CDKN1C: variants seen among roughly 807,000 people sequenced by gnomAD.
CDKN1C encodes cyclin dependent kinase inhibitor 1C.
In CDKN1C, 7 loss-of-function variants were observed where a neutral mutation model predicts 16.5. The observed-to-expected ratio is 0.42, with a 90% CI of 0.24 to 0.80. The LOEUF is 0.80. CDKN1C is among the 30% of genes least tolerant of loss of function. The pLI is 0.26. For missense variants in CDKN1C, 429 were observed against 437.3 expected, an observed-to-expected ratio of 0.98 and a Z score of 0.17; for synonymous variants, 288 against 214.4, an observed-to-expected ratio of 1.34 and a Z score of -3.00.
At position 2,885,036 on chromosome 11, in the gene CDKN1C, G is replaced by T. The variant is rs1848953645; in HGVS notation, c.421C>A (p.Pro141Thr). The change falls in exon 2 of 4, where the codon CCG becomes ACG. Residue 141 changes from proline to threonine, a missense_variant. Pro to Thr is a conservative substitution (Grantham distance 38, BLOSUM62 -1). Coordinates refer to ENST00000440480, the MANE Select transcript of CDKN1C (RefSeq NM_001122630.2). ...PAPASTPPPVPVLAPAPAPAP... is the reference protein window; with the variant it reads ...PAPASTPPPVTVLAPAPAPAP... Reference sequence around the variant, plus strand: ...GGGGCCGGGGCTGGAGCCAGGACCGGGACTGGGGGCGGGGTGGACGCCGGG... The same window carrying T: ...GGGGCCGGGGCTGGAGCCAGGACCGTGACTGGGGGCGGGGTGGACGCCGGG... 7.6e-7 allele frequency: 1 copy of T among 1,323,758 alleles called. No individual in the cohort carries two copies. Among genetic ancestry groups the T allele is most frequent in the Non-Finnish European group, 9.6e-7 (1 of 1,040,262 alleles). The allele number at this position is 1,323,758 out of a possible 1,614,324, so 82.0% of individuals were successfully genotyped here.
intron 2 of CDKN1C, 45 bp from the exon 3 acceptor site, chr11:2,884,179 G>C: frequency 7.6e-7 from 1 of 1,320,652 alleles, no homozygotes; most frequent in Non-Finnish European, 9.7e-7. Context: ...GGGCCGGCCC[G>C]GAGACCCGAG....
rs758244300 is a variant in CDKN1C at position 2,885,417 on chromosome 11, C to A, written c.40G>T (p.Val14Leu). 3 of 1,552,400 alleles carry A rather than the reference C, an allele frequency of 1.9e-6. No homozygotes were observed. Among genetic ancestry groups the A allele is most frequent in the Non-Finnish European group, 2.6e-6 (3 of 1,151,296 alleles). Residue 14 changes from valine (V) to leucine (L), a missense_variant, in exon 2 of 4, where the codon GTG becomes TTG. Transcript: ENST00000440480. Reference protein sequence around the residue: ...LVARGTFPVLVRTSACRSLFG... With the variant: ...LVARGTFPVLLRTSACRSLFG... Reference sequence around the variant, plus strand: ...AGGCTGCGGCAGGCGCTGGTGCGCACTAGTACTGGGAAGGTCCCACGGGCG... The same window carrying A: ...AGGCTGCGGCAGGCGCTGGTGCGCAATAGTACTGGGAAGGTCCCACGGGCG...
intron 1 of CDKN1C, 36 bp downstream of exon 1, chr11:2,885,598 G>A: frequency 2.2e-6 from 3 of 1,346,910 alleles, no homozygotes; most frequent in Non-Finnish European, 2.0e-6. Context: ...ACCCCGCGCC[G>A]CCCGACTCTG....
chr11:2,884,185 C>A, intron 2 of CDKN1C, 51 bp from the exon 3 acceptor site: 1 of 1,271,004 alleles, frequency 7.9e-7, no homozygotes, highest in Admixed American at 3.9e-5. Context: ...GCCCGGAGAC[C>A]CGAGAGGGGG....
In CDKN1C at chr11:2,884,900, G is replaced by GCCGCGA. The variant is rs1345122434; in HGVS notation, c.551_556dup (p.Val184_Ala185dup). The GCCGCGA allele has an allele frequency of 2.3e-6, 2 of 866,962 alleles. No individual in the cohort carries two copies. Among genetic ancestry groups the GCCGCGA allele is most frequent in the Non-Finnish European group, 2.8e-6 (2 of 714,590 alleles). 53.7% of individuals were successfully genotyped at this position (866,962 alleles called of 1,614,324 possible). On this transcript the variant is annotated inframe_insertion, in exon 2 of 4. Coordinates refer to ENST00000440480, the MANE Select transcript of CDKN1C (RefSeq NM_001122630.2). ...GGCCGGGGCCGGGGCTGGGGCCGGG[G>GCCGCGA]CCGCGACTGGAGCCGGGGCCGGAGC...
Position 2,885,215 on chromosome 11 carries a change from C to A in CDKN1C, c.242G>T (p.Arg81Leu). ...VDSDSVPAFY[R>L]ETVQVGRCRL... is the part of the protein sequence containing the mutation. ...GCAGCGCCCCACCTGCACCGTCTCG[C>A]GGTAGAACGCGGGCACCGAGTCGCT... The change falls in exon 2 of 4, where the codon CGC becomes CTC. Residue 81 changes from arginine to leucine, a missense_variant. Transcript: ENST00000440480. The A allele has an allele frequency of 6.5e-7, 1 of 1,545,802 alleles. No individual in the cohort carries two copies. The highest frequency in any genetic ancestry group is 8.7e-7 in the Non-Finnish European group (1 of 1,148,444).
At position 2,883,485 on chromosome 11, in the gene CDKN1C, G is replaced by A. The variant is rs767474496; in HGVS notation, c.*436C>T. ...TAACCAGATGTGGGAGATGGAGAGT[G>A]CCTTTGGCATAACCAATAACCGAGC... On this transcript the variant is annotated 3_prime_UTR_variant, in exon 4 of 4. Coordinates refer to ENST00000440480, the MANE Select transcript of CDKN1C (RefSeq NM_001122630.2). 4.6e-6 allele frequency: 1 copy of A among 215,688 alleles called. No homozygotes were observed. Among genetic ancestry groups the A allele is most frequent in the Non-Finnish European group, 9.1e-6 (1 of 109,968 alleles). The allele number at this position is 215,688 out of a possible 1,614,324, so 13.4% of individuals were successfully genotyped here. A position where few individuals can be genotyped will look rare whatever the true frequency, so the allele number is the denominator to read the frequency against.
At chr11:2,884,516 G>A (rs891995652) in intron 2 of CDKN1C, 154 bp downstream of exon 2, 27 of 380,620 alleles carry the variant, frequency 7.1e-5, no homozygotes, top group Non-Finnish European at 3.1e-5. Flanking sequence ...GGGCGGGGAG[G>A]GGGGTAAGGG....
At position 2,884,494 on chromosome 11, in the gene CDKN1C, G is replaced by A. The variant is rs1381022731; in HGVS notation, c.787+176C>T. ...CCCCGCCCGCGCGAAGCCGCTGGAG[G>A]GCACAACAACGGGGCGGGGAGGGGG... On this transcript the variant is annotated intron_variant, in intron 2 of 3. Coordinates refer to ENST00000440480, the MANE Select transcript of CDKN1C (RefSeq NM_001122630.2). The A allele has an allele frequency of 2.0e-5, 7 of 357,884 alleles. No homozygotes were observed. In the South Asian group the frequency reaches 7.2e-4, roughly 37 times the overall value. The allele number at this position is 357,884 out of a possible 1,614,324, so 22.2% of individuals were successfully genotyped here. A position where few individuals can be genotyped will look rare whatever the true frequency, so the allele number is the denominator to read the frequency against.
chr11:2,885,259 C>T lies in CDKN1C; in HGVS notation c.198G>A (p.Leu66=). 6.4e-7 allele frequency: 1 copy of T among 1,570,682 alleles called. No homozygotes were observed. The change falls in exon 2 of 4, where the codon CTG becomes CTA. Residue 66 remains leucine, a synonymous_variant. Coordinates refer to ENST00000440480, the MANE Select transcript of CDKN1C (RefSeq NM_001122630.2). ...QDMPLRGPGR[L]QWTEVDSDSV... Reference sequence around the variant, plus strand: ...AGTCGCTGTCCACTTCGGTCCACTGCAGGCGTCCAGGGCCCCGCAGCGGCA... The same window carrying T: ...AGTCGCTGTCCACTTCGGTCCACTGTAGGCGTCCAGGGCCCCGCAGCGGCA...
At chr11:2,884,348 C>T (rs1222592868) in intron 2 of CDKN1C, 1 of 221,002 alleles carries the variant, frequency 4.5e-6, no homozygotes, top group African/African-American at 2.3e-5. Flanking sequence ...CCGGGGCCGC[C>T]GCCGCGCTTA....
intron 2 of CDKN1C, 24 bp from the exon 3 acceptor site, chr11:2,884,158 C>G: frequency 6.9e-7 from 1 of 1,459,058 alleles, no homozygotes; most frequent in Non-Finnish European, 9.1e-7. Flanking sequence ...CGCGCGCGGC[C>G]GGTCAGGGCG....
At position 2,885,458 on chromosome 11, in the gene CDKN1C, G is replaced by A. The variant is rs1360488872; in HGVS notation, c.-2C>T. ...CCCACGGGCGACAAGACGCTCCATCGTGGATGTGCTGCGGAGGGACGCGTC... is the reference window on the plus strand; with the variant it reads ...CCCACGGGCGACAAGACGCTCCATCATGGATGTGCTGCGGAGGGACGCGTC... On this transcript the variant is annotated 5_prime_UTR_variant, in exon 2 of 4. It adds an upstream start codon to the 5' untranslated region. Transcript: ENST00000440480. The A allele has an allele frequency of 3.9e-6, 6 of 1,546,204 alleles. No individual in the cohort carries two copies. The South Asian group carries it at 4.7e-5, about 12-fold the overall frequency.
rs1848926162 is a variant in CDKN1C at position 2,884,804 on chromosome 11, T to G, written c.653A>C (p.Asn218Thr). 1 of 1,441,708 alleles carries G rather than the reference T, an allele frequency of 6.9e-7. No homozygotes were observed. Among genetic ancestry groups the G allele is most frequent in the Non-Finnish European group, 9.1e-7 (1 of 1,092,958 alleles). The allele number at this position is 1,441,708 out of a possible 1,614,324, so 89.3% of individuals were successfully genotyped here. A position where few individuals can be genotyped will look rare whatever the true frequency, so the allele number is the denominator to read the frequency against. ...APQESAEQGANQGQRGQEPLA... is the reference protein window; with the variant it reads ...APQESAEQGATQGQRGQEPLA... ...AGGCTCCTGGCCGCGCTGCCCCTGG[T>G]TCGCGCCCTGCTCGGCGCTCTCTTG... The change falls in exon 2 of 4, where the codon AAC becomes ACC. Residue 218 changes from asparagine (N) to threonine (T), a missense_variant. Physicochemically the swap from Asn to Thr is moderately conservative, Grantham distance 65 (BLOSUM62 0). Coordinates refer to ENST00000440480, the MANE Select transcript of CDKN1C (RefSeq NM_001122630.2).
At chr11:2,884,552 G>A (rs1848907791) in intron 2 of CDKN1C, 118 bp downstream of exon 2, 2 of 491,404 alleles carry the variant, frequency 4.1e-6, no homozygotes, top group South Asian at 9.5e-5. Flanking sequence ...AGCGCTGCGG[G>A]CCCTTTAATG....
chr11:2,885,127 C>T lies in CDKN1C; in HGVS notation c.330G>A (p.Pro110=), dbSNP rs747757242. ...VAVAVSPPLE[P]AAESLDGLEE... is the part of the protein sequence containing the mutation. The stretch of plus-strand genomic sequence containing the variant: ...CGAGGCCGTCGAGGGACTCAGCGGC[C>T]GGCTCGAGGGGCGGGCTGACAGCCA... Residue 110 remains proline (P), a synonymous_variant, in exon 2 of 4, where the codon CCG becomes CCA. Coordinates refer to ENST00000440480, the MANE Select transcript of CDKN1C (RefSeq NM_001122630.2). 2.4e-5 allele frequency: 35 copies of T among 1,472,338 alleles called. No individual in the cohort carries two copies. Among genetic ancestry groups the T allele is most frequent in the Non-Finnish European group, 2.7e-6 (3 of 1,123,060 alleles). The allele number at this position is 1,472,338 out of a possible 1,614,324, so 91.2% of individuals were successfully genotyped here.
In CDKN1C at chr11:2,883,822, G is replaced by A; in HGVS notation, c.*99C>T. 1 of 1,526,534 alleles carries A rather than the reference G, an allele frequency of 6.6e-7. No individual in the cohort carries two copies. The highest frequency in any genetic ancestry group is 2.1e-5 in the Admixed American group (1 of 46,578). The allele number at this position is 1,526,534 out of a possible 1,614,324, so 94.6% of individuals were successfully genotyped here. On this transcript the variant is annotated 3_prime_UTR_variant, in exon 4 of 4. Coordinates refer to ENST00000440480, the MANE Select transcript of CDKN1C (RefSeq NM_001122630.2). ...ACGCTGCTCTGCGGCAGCCGCCGCC[G>A]GTTGCTGCTACATGAACGGTCCCAG...
In CDKN1C at chr11:2,884,813, T is replaced by G. The variant is rs1424651848; in HGVS notation, c.644A>C (p.Gln215Pro). The change falls in exon 2 of 4, where the codon CAG (glutamine) becomes CCG (proline). Residue 215 changes from glutamine to proline, a missense_variant. By Grantham distance (76) the Gln-to-Pro change is moderately conservative. Transcript: ENST00000440480. The stretch of plus-strand genomic sequence containing the variant: ...GCCGCGCTGCCCCTGGTTCGCGCCC[T>G]GCTCGGCGCTCTCTTGAGGCGCCGC... ...PDAAPQESAE[Q>P]GANQGQRGQE... 1 of 1,380,434 alleles carries G rather than the reference T, an allele frequency of 7.2e-7. No homozygotes were observed. The highest frequency in any genetic ancestry group is 1.4e-5 in the South Asian group (1 of 71,938). 85.5% of individuals were successfully genotyped at this position (1,380,434 alleles called of 1,614,324 possible). A position where few individuals can be genotyped will look rare whatever the true frequency, so the allele number is the denominator to read the frequency against.
At position 2,885,005 on chromosome 11, in the gene CDKN1C, G is replaced by GC; in HGVS notation, c.451_452insG (p.Pro151ArgfsTer79). The GC allele has an allele frequency of 1.7e-6, 2 of 1,167,522 alleles. No homozygotes were observed. The highest frequency in any genetic ancestry group is 1.1e-6 in the Non-Finnish European group (1 of 931,476). The allele number at this position is 1,167,522 out of a possible 1,614,324, so 72.3% of individuals were successfully genotyped here. A position where few individuals can be genotyped will look rare whatever the true frequency, so the allele number is the denominator to read the frequency against. On this transcript the variant is annotated frameshift_variant, in exon 2 of 4. Coordinates refer to ENST00000440480, the MANE Select transcript of CDKN1C (RefSeq NM_001122630.2). LOFTEE classifies it high-confidence loss of function. ...CGCGACCGGAGCCGCGACCGGAGCC[G>GC]GAGCCGGGGCCGGGGCTGGAGCCAG...
Sources: allele counts gnomAD v4.1 joint callset, GRCh38; gene constraint gnomAD v4.1.1; transcripts MANE v1.5; gene names NCBI Gene and HGNC (gene_info 2026-07-23, HGNC 2026-07-21).